Variants in MALRD1 observed in about 807,000 individuals in gnomAD.
The protein encoded by MALRD1 is MAM and LDL receptor class A domain containing 1, also known as MAM and LDL-receptor class A domain-containing protein 1.
MALRD1 carries 247 observed loss-of-function variants against 242.1 expected under a neutral mutation model. The ratio of observed to expected loss-of-function variants is 1.02; its 90% CI spans 0.92 to 1.13. The LOEUF is 1.13. MALRD1 is among the 50% of genes most tolerant of loss of function. MALRD1 has a pLI of 0.00. For synonymous variants in MALRD1, 995 were observed against 866.6 expected (o/e 1.15, Z -2.60); for missense variants, 2,989 against 2,533.1 (o/e 1.18, Z -3.86).
chr10:19,586,018 C>T (rs1454505363), intron 33 of MALRD1, among the ~76,000 whole-genome samples: 7 of 152,238 alleles, frequency 4.6e-5, no homozygotes, highest in East Asian at 3.9e-4. Flanking sequence ...TTGATCGCAT[C>T]GGCTCCTGAG....
At chr10:19,577,177 C>T (rs77890337) in intron 33 of MALRD1, among the ~76,000 whole-genome samples, 2,016 of 151,934 alleles carry the variant, frequency 0.013, 22 homozygotes, top group East Asian at 0.036. Flanking sequence ...CATAAGGCCT[C>T]GTTTTAAAAT....
At chr10:19,650,186 A>T (rs981523968) in intron 36 of MALRD1, among the ~76,000 whole-genome samples, 2 of 152,248 alleles carry the variant, frequency 1.3e-5, no homozygotes, top group Non-Finnish European at 2.9e-5. Flanking sequence ...GGCAGAATAA[A>T]GATTCAGTGG....
chr10:19,095,311 A>G (rs530143681), intron 4 of MALRD1, among the ~76,000 whole-genome samples: 1 of 152,184 alleles, frequency 6.6e-6, no homozygotes, highest in African/African-American at 2.4e-5. Flanking sequence ...TTCAGGCTTC[A>G]ATAAACTTAA....
chr10:19,085,004 T>C (rs1416425279), intron 2 of MALRD1, among the ~76,000 whole-genome samples: 1 of 151,896 alleles, frequency 6.6e-6, no homozygotes, highest in Non-Finnish European at 1.5e-5. Context: ...ATGAGGATGG[T>C]GTAGAGATTA....
chr10:19,697,810 C>G (rs1833447243), intron 38 of MALRD1, among the ~76,000 whole-genome samples: 1 of 152,076 alleles, frequency 6.6e-6, no homozygotes, highest in Non-Finnish European at 1.5e-5. Flanking sequence ...TTGCCAGGCT[C>G]TACTCCTATT....
At chr10:19,178,250 A>G (rs1835343795) in intron 14 of MALRD1, among the ~76,000 whole-genome samples, 1 of 152,218 alleles carries the variant, frequency 6.6e-6, no homozygotes, top group African/African-American at 2.4e-5. Flanking sequence ...TGATTCCTGA[A>G]AGATCAATGG....
chr10:19,148,307 G>A (rs572770944), intron 11 of MALRD1, among the ~76,000 whole-genome samples: 12 of 152,168 alleles, frequency 7.9e-5, no homozygotes, highest in Admixed American at 6.5e-5. Context: ...CCAGGGTTCC[G>A]ACACGATGTT....
chr10:19,600,621 A>G lies in MALRD1; in HGVS notation c.5944+5164A>G, dbSNP rs541275340. On this transcript the variant is annotated intron_variant, in intron 34 of 39. Transcript: ENST00000454679. Reference sequence around the variant, plus strand: ...TTAGAAATATTGACCTGCTGCATATAGATTTTATTTTAGTAGAAAATGGGT... The same window carrying G: ...TTAGAAATATTGACCTGCTGCATATGGATTTTATTTTAGTAGAAAATGGGT... Among the ~76,000 whole-genome samples the G allele has an allele frequency of 5.9e-5, 9 of 152,284 alleles. No individual in the cohort carries two copies. The East Asian group carries it at 1.5e-3, about 26-fold the overall frequency.
At chr10:19,223,622 T>C (rs1345907459) in intron 18 of MALRD1, among the ~76,000 whole-genome samples, 2 of 152,222 alleles carry the variant, frequency 1.3e-5, no homozygotes. Flanking sequence ...TAGGTATACA[T>C]GTGCTGTCGT....
intron 31 of MALRD1, among the ~76,000 whole-genome samples, chr10:19,523,103 C>A (rs1286915092): frequency 6.6e-6 from 1 of 152,032 alleles, no homozygotes; most frequent in Admixed American, 6.6e-5. Flanking sequence ...TTACCACAAC[C>A]CCATGAGGCT....
At chr10:19,658,611 A>G (rs1232026859) in intron 36 of MALRD1, among the ~76,000 whole-genome samples, 1 of 152,146 alleles carries the variant, frequency 6.6e-6, no homozygotes, top group African/African-American at 2.4e-5. Context: ...AAGCTGGGCT[A>G]TTTCTCTCCA....
chr10:19,298,823 C>T (rs1435255488), intron 21 of MALRD1, among the ~76,000 whole-genome samples: 1 of 151,844 alleles, frequency 6.6e-6, no homozygotes, highest in Non-Finnish European at 1.5e-5. Flanking sequence ...AGATGTTTTG[C>T]TGGGAGACAT....
intron 31 of MALRD1, among the ~76,000 whole-genome samples, chr10:19,522,368 T>C (rs574648210): frequency 6.6e-6 from 1 of 152,238 alleles, no homozygotes; most frequent in East Asian, 1.9e-4. Flanking sequence ...AAAAGGCCAT[T>C]AGTGTGAGGT....
At chr10:19,050,800 C>T (rs1402032954) in intron 1 of MALRD1, among the ~76,000 whole-genome samples, 3 of 152,188 alleles carry the variant, frequency 2.0e-5, no homozygotes, top group African/African-American at 7.2e-5. Flanking sequence ...ACAAGCAGTG[C>T]CAAGTCCCTT....
intron 32 of MALRD1, 109 bp from the exon 33 acceptor site, chr10:19,567,393 G>C: frequency 6.7e-6 from 6 of 895,278 alleles, no homozygotes; most frequent in Non-Finnish European, 8.6e-6. Flanking sequence ...AATAGTCAAT[G>C]TATTGAGCTG....
intron 36 of MALRD1, among the ~76,000 whole-genome samples, chr10:19,650,775 C>T (rs1199210900): frequency 6.6e-6 from 1 of 152,176 alleles, no homozygotes; most frequent in Non-Finnish European, 1.5e-5. Context: ...AGATTTCCAA[C>T]CAGTTCTCAA....
In MALRD1 at chr10:19,078,663, G is replaced by T. The variant is rs75875531; in HGVS notation, c.341-9177G>T. 2.7e-3 allele frequency among the ~76,000 whole-genome samples: 412 copies of T among 151,902 alleles called. 1 individual carries two copies. The highest frequency in any genetic ancestry group is 9.5e-3 in the African/African-American group (395 of 41,498). ...GCCTTTTGTGCTGGAGCATTTGTTT[G>T]TGGAAAGATTTTTGATTACTGATTT... On this transcript the variant is annotated intron_variant, in intron 2 of 39. Transcript: ENST00000454679.
rs150643761 is a variant in MALRD1 at position 19,493,866 on chromosome 10, G to A, written c.5158+2221G>A. On this transcript the variant is annotated intron_variant, in intron 30 of 39. Coordinates refer to ENST00000454679, the MANE Select transcript of MALRD1 (RefSeq NM_001142308.3). ...AAGTGTATTTTTAAAAATACTGAGT[G>A]TAAGGAATTAATTTCAATGGAAGAC... Among the ~76,000 whole-genome samples the A allele has an allele frequency of 3.2e-3, 482 of 152,160 alleles. 3 individuals carry two copies. The highest frequency in any genetic ancestry group is 5.4e-3 in the Non-Finnish European group (367 of 67,982).
At chr10:19,356,731 T>A (rs1276292505) in intron 26 of MALRD1, among the ~76,000 whole-genome samples, 1 of 152,142 alleles carries the variant, frequency 6.6e-6, no homozygotes, top group African/African-American at 2.4e-5. Context: ...TTTGGGCCTG[T>A]CTCTGACAAA....
Sources: gnomAD v4.1 joint callset for allele counts (sites outside exome capture counted in the v4.1 genomes callset) on GRCh38, gnomAD v4.1.1 for gene constraint, MANE v1.5 for transcripts, NCBI Gene and HGNC (gene_info 2026-07-23, HGNC 2026-07-21) for gene names.